Variants in HDAC7 observed in about 807,000 individuals in gnomAD.
HDAC7 encodes the protein histone deacetylase 7A.
Under a neutral mutation model 115.5 loss-of-function variants are expected in HDAC7, and 26 were observed. The observed-to-expected ratio is 0.23, with a 90% CI of 0.16 to 0.31. The LOEUF (loss-of-function observed/expected upper bound fraction) is 0.31, where lower values mean the gene tolerates loss of function less well. Among genes scored for constraint, HDAC7 ranks in the 10% least tolerant of loss-of-function variants. The probability of loss-of-function intolerance (pLI) is 1.00; values close to 1 mark genes in which losing one functional copy is unlikely to be tolerated. For synonymous variants in HDAC7, 564 were observed against 550.9 expected, an observed-to-expected ratio of 1.02 and a Z score of -0.33; for missense variants, 1,068 against 1,329.0, an observed-to-expected ratio of 0.80 and a Z score of 3.05.
intron 1 of HDAC7, 29 bp downstream of exon 1, chr12:47,819,737 CG>C: frequency 7.9e-6 from 6 of 758,202 alleles, no homozygotes; most frequent in Non-Finnish European, 9.6e-6. Context: ...GCGCGCAGGG[CG>C]GGGCGGGGGG....
intron 1 of HDAC7, among the ~76,000 whole-genome samples, chr12:47,815,632 G>C: frequency 6.6e-6 from 1 of 152,102 alleles, no homozygotes; most frequent in Non-Finnish European, 1.5e-5. Flanking sequence ...TTTTAATTTT[G>C]AGACAGTCTC....
intron 12 of HDAC7, 116 bp downstream of exon 12, chr12:47,794,644 T>G (rs998751926): frequency 9.4e-7 from 1 of 1,061,614 alleles, no homozygotes; most frequent in Non-Finnish European, 1.3e-6. Context: ...AGGGCAACCA[T>G]GGGTCCTAGA....
Position 47,798,992 on chromosome 12 carries a change from G to T in HDAC7, c.71-20C>A. On this transcript the variant is annotated intron_variant, in intron 2 of 25. Coordinates refer to ENST00000080059, the MANE Select transcript of HDAC7 (RefSeq NM_015401.5). This position sits in a 1 kb window ranked among gnomAD's most constrained non-coding sequence, Gnocchi z 4.3. ...GGCAGCCTAGGGACAGAGAGAGGGA[G>T]CAGGGTAAACTGGAAAGTTTGTCCT... 1 of 1,463,440 alleles carries T rather than the reference G, an allele frequency of 6.8e-7. No individual in the cohort carries two copies. The allele number at this position is 1,463,440 out of a possible 1,614,324, so 90.7% of individuals were successfully genotyped here.
chr12:47,784,062 C>G lies in HDAC7; in HGVS notation c.2930+17G>C. 1 of 1,611,736 alleles carries G rather than the reference C, an allele frequency of 6.2e-7. No individual in the cohort carries two copies. The highest frequency in any genetic ancestry group is 8.5e-7 in the Non-Finnish European group (1 of 1,178,942). ...GGTGGAGAGGCTGTGGGCCCAGGGC[C>G]AGGGGTCTGGCATTACCTATCTTCA... On this transcript the variant is annotated intron_variant, in intron 25 of 25. Transcript: ENST00000080059.
chr12:47,790,234 A>G (rs902658717), intron 16 of HDAC7: 5 of 353,842 alleles, frequency 1.4e-5, no homozygotes, highest in South Asian at 2.9e-5. Flanking sequence ...TTGGGCCGGG[A>G]GGGGGTTTTA....
chr12:47,785,604 T>C lies in HDAC7; in HGVS notation c.2707-133A>G, dbSNP rs2043112387. 4 of 1,388,036 alleles carry C rather than the reference T, an allele frequency of 2.9e-6. No homozygotes were observed. The South Asian group carries it at 4.2e-5, about 14-fold the overall frequency. The allele number at this position is 1,388,036 out of a possible 1,614,324, so 86.0% of individuals were successfully genotyped here. ...CCAGGAGATGCTGCCTGGACCTAAC[T>C]TGGAACAGAGGCTTCCGCTTCGCCT... On this transcript the variant is annotated intron_variant, in intron 23 of 25. Coordinates refer to ENST00000080059, the MANE Select transcript of HDAC7 (RefSeq NM_015401.5).
intron 2 of HDAC7, chr12:47,799,262 C>T: frequency 2.7e-6 from 1 of 367,220 alleles, no homozygotes; most frequent in Non-Finnish European, 4.8e-6. Context: ...AAACATGCTC[C>T]TCCCTGGGCC....
At chr12:47,790,578 G>T (rs1475345423) in intron 16 of HDAC7, 1 of 156,766 alleles carries the variant, frequency 6.4e-6, no homozygotes, top group African/African-American at 2.4e-5. Context: ...TGTGAATAGG[G>T]CACTGACTGG....
chr12:47,796,425 TC>T, intron 7 of HDAC7, 127 bp from the exon 8 acceptor site: 2 of 572,274 alleles, frequency 3.5e-6, no homozygotes, highest in South Asian at 2.2e-5. Context: ...CTTCCTGCTT[TC>T]TTTTTTTTTT....
chr12:47,795,734 C>A lies in HDAC7; in HGVS notation c.940G>T (p.Gly314Cys), dbSNP rs780397872. 18 of 1,543,958 alleles carry A rather than the reference C, an allele frequency of 1.2e-5. No homozygotes were observed. The South Asian group carries it at 2.2e-4, about 19-fold the overall frequency. ...DSDRRTHPTL[G>C]PRGPILGSPH... ...CTCCCCAGGATTGGCCCCCGAGGGC[C>A]CAGAGTCGGATGGGTCCTGCGGTCA... Residue 314 changes from glycine to cysteine, a missense_variant, in exon 10 of 26, where the codon GGC becomes TGC. Around this residue, in one of 6 missense-constraint regions of HDAC7, gnomAD observed 618 missense variants for 701.5 expected, o/e 0.88. Transcript: ENST00000080059. This position sits in a 1 kb window ranked among gnomAD's most constrained non-coding sequence, Gnocchi z 4.3.
rs1042210553 is a variant in HDAC7 at position 47,797,800 on chromosome 12, G to A, written c.462-301C>T. On this transcript the variant is annotated intron_variant, in intron 5 of 25. Transcript: ENST00000080059. The surrounding 1 kb of genome is among the most constrained non-coding windows in gnomAD (Gnocchi z 5.5). ...GCTCTGGGAACCAGGACATTTTTGC[G>A]CTCAGGGAAAATATAAAGAGAGAAG... Among the ~76,000 whole-genome samples, 2 of 151,338 alleles carry A rather than the reference G, an allele frequency of 1.3e-5. No individual in the cohort carries two copies. The highest frequency in any genetic ancestry group is 6.6e-5 in the Admixed American group (1 of 15,228).
Position 47,786,568 on chromosome 12 carries a change from A to G in HDAC7, c.2572+17T>C. On this transcript the variant is annotated intron_variant, in intron 22 of 25. Transcript: ENST00000080059. The stretch of plus-strand genomic sequence containing the variant: ...GCTCTCTGTCCCTAACGTCCCCCTC[A>G]GCTGAGGCTCCCTTACATTTGGCAG... The G allele has an allele frequency of 6.4e-7, 1 of 1,572,692 alleles. No individual in the cohort carries two copies. The highest frequency in any genetic ancestry group is 8.8e-7 in the Non-Finnish European group (1 of 1,142,646).
At chr12:47,792,706 G>A (rs982450256) in intron 13 of HDAC7, 3 of 455,500 alleles carry the variant, frequency 6.6e-6, no homozygotes, top group Non-Finnish European at 1.3e-5. Context: ...AAAGATTTAT[G>A]CATAAGGAAA....
At position 47,797,631 on chromosome 12, in the gene HDAC7, G is replaced by A; in HGVS notation, c.462-132C>T. The A allele has an allele frequency of 3.1e-6, 2 of 647,084 alleles. No individual in the cohort carries two copies. The highest frequency in any genetic ancestry group is 5.3e-6 in the Non-Finnish European group (2 of 374,788). The allele number at this position is 647,084 out of a possible 1,614,324, so 40.1% of individuals were successfully genotyped here. Reference sequence around the variant, plus strand: ...TGGGCAATGTGGGGCTGGTAGGAATGGGGACCATCTCCAGGTGGCAGCAGT... The same window carrying A: ...TGGGCAATGTGGGGCTGGTAGGAATAGGGACCATCTCCAGGTGGCAGCAGT... On this transcript the variant is annotated intron_variant, in intron 5 of 25. Transcript: ENST00000080059. This position sits in a 1 kb window ranked among gnomAD's most constrained non-coding sequence, Gnocchi z 5.5.
chr12:47,785,297 C>G, intron 24 of HDAC7, 90 bp downstream of exon 24: 5 of 1,100,198 alleles, frequency 4.5e-6, no homozygotes, highest in Non-Finnish European at 6.6e-6. Context: ...CTGGCTGGCA[C>G]CGGAAGCCCT....
chr12:47,787,912 C>G (rs936511771), intron 20 of HDAC7, 103 bp from the exon 21 acceptor site: 2 of 1,524,642 alleles, frequency 1.3e-6, no homozygotes, highest in African/African-American at 2.7e-5. Context: ...CTCCCCATTT[C>G]CAGGTGGGGA....
Position 47,793,526 on chromosome 12 carries a change from A to G in HDAC7, c.1521T>C (p.Thr507=). 1 of 1,548,480 alleles carries G rather than the reference A, an allele frequency of 6.5e-7. No individual in the cohort carries two copies. The highest frequency in any genetic ancestry group is 8.7e-7 in the Non-Finnish European group (1 of 1,146,910). The change falls in exon 13 of 26, where the codon ACT becomes ACC. Residue 507 remains threonine, a synonymous_variant. Coordinates refer to ENST00000080059, the MANE Select transcript of HDAC7 (RefSeq NM_015401.5). The surrounding 1 kb of genome is among the most constrained non-coding windows in gnomAD (Gnocchi z 4.5). ...CACCCTGGGCCAGAGGAAGCAGCACAGTGTCCCCGGTGCTGCCCCGGGGGA... is the reference window on the plus strand; with the variant it reads ...CACCCTGGGCCAGAGGAAGCAGCACGGTGTCCCCGGTGCTGCCCCGGGGGA... The part of the protein sequence containing the change: ...GRLPRGSTGD[T]VLLPLAQGGH...
chr12:47,813,105 G>A, intron 1 of HDAC7: 1 of 151,750 alleles, frequency 6.6e-6, no homozygotes, highest in Non-Finnish European at 1.5e-5. Flanking sequence ...CCCGCCTCCA[G>A]CTCCCCGCCT....
At chr12:47,786,021 T>C in intron 22 of HDAC7, 136 bp from the exon 23 acceptor site, 1 of 932,184 alleles carries the variant, frequency 1.1e-6, no homozygotes, top group East Asian at 2.8e-5. Flanking sequence ...TCCAAAGTGC[T>C]TTCACATTGA....
Sources: gnomAD v4.1 joint callset for allele counts (sites outside exome capture counted in the v4.1 genomes callset) on GRCh38, gnomAD v4.1.1 for gene constraint, gnomAD v4.1.1 regional missense constraint, Gnocchi (gnomAD v3.1) non-coding constraint, MANE v1.5 for transcripts, NCBI Gene and HGNC (gene_info 2026-07-23, HGNC 2026-07-21) for gene names.